KMT2C: variants seen among roughly 807,000 people sequenced by gnomAD.
KMT2C encodes histone-lysine N-methyltransferase 2C.
A neutral mutation model predicts 507.9 loss-of-function variants in KMT2C; 88 were observed. That is an observed-to-expected ratio of 0.17 (90% CI 0.15 to 0.21). KMT2C has a LOEUF of 0.21. KMT2C is among the 10% of genes least tolerant of loss of function. The pLI is 1.00. For synonymous variants in KMT2C, 2,049 were observed against 2,080.8 expected, an observed-to-expected ratio of 0.98 and a Z score of 0.42; for missense variants, 4,954 against 5,957.8, an observed-to-expected ratio of 0.83 and a Z score of 5.55.
At chr7:152,172,305 T>C (rs1301992984) in intron 39 of KMT2C, among the ~76,000 whole-genome samples, 4 of 152,174 alleles carry the variant, frequency 2.6e-5, no homozygotes, top group African/African-American at 9.7e-5. Context: ...TACTAAGCCA[T>C]ATACCTGATA....
At chr7:152,259,759 C>T (rs1482196672) in intron 9 of KMT2C, among the ~76,000 whole-genome samples, 1 of 152,166 alleles carries the variant, frequency 6.6e-6, no homozygotes, top group Non-Finnish European at 1.5e-5. Flanking sequence ...GGGAGCAGCC[C>T]CAAACTAGAC....
At chr7:152,400,286 G>GCAA (rs61160463) in intron 1 of KMT2C, among the ~76,000 whole-genome samples, 27,644 of 151,864 alleles carry the variant, frequency 0.18, 2,714 homozygotes, top group African/African-American at 0.24. Context: ...TCCAGCCTGG[G>GCAA]CAACAGAGCA....
chr7:152,367,335 G>C, intron 1 of KMT2C: 1 of 875,064 alleles, frequency 1.1e-6, no homozygotes, highest in Non-Finnish European at 1.9e-6. Flanking sequence ...CTTCGCAGAA[G>C]CCCTGAAGCA....
intron 56 of KMT2C, 144 bp from the exon 57 acceptor site, chr7:152,139,403 T>C (rs1187504704): frequency 4.1e-6 from 3 of 729,658 alleles, no homozygotes; most frequent in Non-Finnish European, 6.9e-6. Context: ...TAGGCACAGA[T>C]GACATTTACA....
At chr7:152,322,055 C>G (rs2129206666) in intron 3 of KMT2C, among the ~76,000 whole-genome samples, 1 of 148,822 alleles carries the variant, frequency 6.7e-6, no homozygotes, top group Middle Eastern at 3.4e-3. Context: ...ATGGTACTGG[C>G]ACCAAAAAAA....
In KMT2C at chr7:152,181,996, G is replaced by C. The variant is rs375733941; in HGVS notation, c.5864C>G (p.Ser1955Cys). 2.7e-5 allele frequency: 43 copies of C among 1,614,050 alleles called. 1 individual carries two copies. The highest frequency in any genetic ancestry group is 3.5e-5 in the Non-Finnish European group (41 of 1,180,030). Residue 1955 changes from serine to cysteine, a missense_variant, in exon 36 of 59, where the codon TCT becomes TGT. Ser to Cys is a moderately radical substitution (Grantham distance 112, BLOSUM62 -1). Transcript: ENST00000262189. ...RPSPVRDLCS[S>C]STTNNDPYAK... is the part of the protein sequence containing the mutation. ...ATAGGGGTCATTATTTGTCGTGGAAGAAGAACATAAATCTCTGACAGGGGA... is the reference window on the plus strand; with the variant it reads ...ATAGGGGTCATTATTTGTCGTGGAACAAGAACATAAATCTCTGACAGGGGA...
chr7:152,168,873 G>A (rs1026180340), intron 41 of KMT2C, among the ~76,000 whole-genome samples: 1 of 152,102 alleles, frequency 6.6e-6, no homozygotes, highest in African/African-American at 2.4e-5. Flanking sequence ...AGCAAAACGT[G>A]GTTTAGTTCT....
intron 2 of KMT2C, among the ~76,000 whole-genome samples, chr7:152,340,082 G>A (rs770887925): frequency 1.1e-4 from 16 of 151,122 alleles, no homozygotes; most frequent in East Asian, 1.9e-4. Flanking sequence ...CTCCTGGGCT[G>A]AAGGTATCCT....
intron 55 of KMT2C, among the ~76,000 whole-genome samples, chr7:152,140,414 A>G (rs888738982): frequency 2.0e-5 from 3 of 152,264 alleles, no homozygotes; most frequent in Non-Finnish European, 4.4e-5. Flanking sequence ...AAATGGAAGC[A>G]GCTCTCACTG....
At chr7:152,171,414 T>A in intron 39 of KMT2C, 72 bp from the exon 40 acceptor site, 1 of 967,438 alleles carries the variant, frequency 1.0e-6, no homozygotes, top group East Asian at 2.7e-5. Flanking sequence ...AAAAACTGTA[T>A]TAGGTGCTTA....
intron 9 of KMT2C, among the ~76,000 whole-genome samples, chr7:152,255,572 G>A (rs1201605433): frequency 6.6e-6 from 1 of 152,058 alleles, no homozygotes; most frequent in East Asian, 1.9e-4. Flanking sequence ...CACAAGCACA[G>A]ATAAGAAACC....
chr7:152,212,526 CCA>C (rs112324600), intron 23 of KMT2C, among the ~76,000 whole-genome samples: 18 of 152,128 alleles, frequency 1.2e-4, no homozygotes, highest in Admixed American at 2.6e-4. Context: ...CCCAAAAATT[CCA>C]CAGTTACTAG....
intron 6 of KMT2C, among the ~76,000 whole-genome samples, chr7:152,307,054 G>A (rs900712235): frequency 4.6e-5 from 7 of 152,156 alleles, no homozygotes; most frequent in African/African-American, 1.7e-4. Flanking sequence ...GGATATTCGG[G>A]AGGCTCGGGG....
intron 1 of KMT2C, among the ~76,000 whole-genome samples, chr7:152,364,930 G>GACACACACACAC (rs771689076): frequency 1.5e-5 from 2 of 130,204 alleles, no homozygotes; most frequent in African/African-American, 6.2e-5. Context: ...ATCTGAAACA[G>GACACACACACAC]ACAGACACAC....
chr7:152,249,673 CAAAAAAAAA>C (rs1183345172), intron 13 of KMT2C, among the ~76,000 whole-genome samples, 194 bp downstream of exon 13: 7 of 34,516 alleles, frequency 2.0e-4, no homozygotes, highest in Admixed American at 4.4e-4. Flanking sequence ...CTCCCCCCTC[CAAAAAAAAA>C]AAAAAAAAAA....
chr7:152,256,327 C>CA lies in KMT2C; in HGVS notation c.1300-3613dup, dbSNP rs111762726. The stretch of plus-strand genomic sequence containing the variant: ...CCATAAGAAAGAAACTTTTGCATGG[C>CA]AAAAAAAAAATAATAAAAACAAAGT... On this transcript the variant is annotated intron_variant, in intron 9 of 58. Coordinates refer to ENST00000262189, the MANE Select transcript of KMT2C (RefSeq NM_170606.3). Among the ~76,000 whole-genome samples, 112 of 147,184 alleles carry CA rather than the reference C, an allele frequency of 7.6e-4. No homozygotes were observed. The South Asian group carries it at 0.014, about 18-fold the overall frequency.
At chr7:152,342,210 T>C (rs569466406) in intron 2 of KMT2C, among the ~76,000 whole-genome samples, 10 of 152,306 alleles carry the variant, frequency 6.6e-5, no homozygotes, top group African/African-American at 2.4e-4. Flanking sequence ...GAAGATAATC[T>C]AAGATTTTGA....
At chr7:152,383,919 C>A (rs1408478784) in intron 1 of KMT2C, among the ~76,000 whole-genome samples, 1 of 151,802 alleles carries the variant, frequency 6.6e-6, no homozygotes, top group Non-Finnish European at 1.5e-5. Context: ...ACAGGAGCAG[C>A]AACTTTTCAA....
At chr7:152,398,535 G>C (rs901037742) in intron 1 of KMT2C, among the ~76,000 whole-genome samples, 1 of 152,118 alleles carries the variant, frequency 6.6e-6, no homozygotes, top group African/African-American at 2.4e-5. Context: ...AGGGAAAAGA[G>C]GGTCTTTCAC....
Sources: allele counts gnomAD v4.1 joint callset (sites outside exome capture counted in the v4.1 genomes callset), GRCh38; gene constraint gnomAD v4.1.1; transcripts MANE v1.5; gene names NCBI Gene and HGNC (gene_info 2026-07-23, HGNC 2026-07-21).